ZNF76: variants seen among roughly 807,000 people sequenced by gnomAD.
ZNF76 encodes zinc finger protein 523.
In ZNF76, 66 loss-of-function variants were observed where a neutral mutation model predicts 66.9. That is an observed-to-expected ratio of 0.99 (90% CI 0.81 to 1.21). The LOEUF (loss-of-function observed/expected upper bound fraction) is 1.21. Among genes scored for constraint, ZNF76 ranks in the 50% most tolerant of loss-of-function variants. The pLI is 0.00. For missense variants in ZNF76, 729 were observed against 760.3 expected, an observed-to-expected ratio of 0.96 and a Z score of 0.48; for synonymous variants, 275 against 296.1, an observed-to-expected ratio of 0.93 and a Z score of 0.73.
At chr6:35,274,911 T>A (rs1787651737) in intron 1 of ZNF76, among the ~76,000 whole-genome samples, 1 of 152,114 alleles carries the variant, frequency 6.6e-6, no homozygotes, top group Non-Finnish European at 1.5e-5. Flanking sequence ...TCCCAGCATT[T>A]TGGGAGGCCA....
intron 1 of ZNF76, among the ~76,000 whole-genome samples, chr6:35,278,829 A>G (rs552370108): frequency 4.6e-5 from 7 of 152,334 alleles, no homozygotes; most frequent in African/African-American, 1.4e-4. Flanking sequence ...CACCTTGCAC[A>G]TGAGGGACCC....
At chr6:35,294,706 C>G in intron 13 of ZNF76, 137 bp downstream of exon 13, 1 of 717,762 alleles carries the variant, frequency 1.4e-6, no homozygotes, top group East Asian at 2.7e-5. Flanking sequence ...GATCCCTTTC[C>G]TCCTGCATCC....
chr6:35,279,333 T>G (rs1222307721), intron 1 of ZNF76: 1 of 164,318 alleles, frequency 6.1e-6, no homozygotes, highest in Non-Finnish European at 1.5e-5. Context: ...CTGCCAGCAG[T>G]CAGTGTGTTG....
intron 6 of ZNF76, 84 bp downstream of exon 6, chr6:35,290,466 G>A (rs1247664139): frequency 3.2e-6 from 5 of 1,582,130 alleles, no homozygotes; most frequent in Middle Eastern, 3.5e-4. Context: ...ATTGGAATTG[G>A]TCCCTGCCCT....
intron 1 of ZNF76, among the ~76,000 whole-genome samples, chr6:35,263,464 A>C (rs1050263334): frequency 6.6e-6 from 1 of 152,252 alleles, no homozygotes; most frequent in Non-Finnish European, 1.5e-5. Flanking sequence ...AAAATGTGAC[A>C]TCAAAGATCC....
intron 5 of ZNF76, among the ~76,000 whole-genome samples, chr6:35,288,947 T>G: frequency 1.6e-5 from 1 of 61,596 alleles, no homozygotes; most frequent in East Asian, 4.0e-4. Flanking sequence ...GGAGATCCTA[T>G]CTAAAAAAAA....
At chr6:35,290,417 GT>G (rs1790204748) in intron 6 of ZNF76, 35 bp downstream of exon 6, 2 of 1,609,540 alleles carry the variant, frequency 1.2e-6, no homozygotes, top group East Asian at 4.5e-5. Context: ...CAGCTCTGCA[GT>G]CTTCCCTCCC....
At chr6:35,278,701 GT>G (rs1306574925) in intron 1 of ZNF76, among the ~76,000 whole-genome samples, 2 of 152,252 alleles carry the variant, frequency 1.3e-5, no homozygotes, top group African/African-American at 4.8e-5. Flanking sequence ...ACTGCACTGA[GT>G]TTAGAGGCCG....
At chr6:35,281,795 G>C (rs1444675857) in intron 2 of ZNF76, among the ~76,000 whole-genome samples, 2 of 151,870 alleles carry the variant, frequency 1.3e-5, no homozygotes, top group African/African-American at 2.4e-5. Context: ...AATAATCTGG[G>C]TGCAGCAGCA....
Position 35,287,785 on chromosome 6 carries a change from A to G in ZNF76, c.372A>G (p.Ala124=). The G allele has an allele frequency of 6.2e-7, 1 of 1,613,696 alleles. No homozygotes were observed. The highest frequency in any genetic ancestry group is 8.5e-7 in the Non-Finnish European group (1 of 1,179,804). The change falls in exon 5 of 14, where the codon GCA becomes GCG. Residue 124 remains alanine, a synonymous_variant. Coordinates refer to ENST00000373953, the MANE Select transcript of ZNF76 (RefSeq NM_003427.5). This position sits in a 1 kb window ranked among gnomAD's most constrained non-coding sequence, Gnocchi z 4.0. Reference sequence around the variant, plus strand: ...AGGTGGGCTTGGAGGACCTGGCAGCAGAGGATGATGAGGGCTTCAGTGCAG... The same window carrying G: ...AGGTGGGCTTGGAGGACCTGGCAGCGGAGGATGATGAGGGCTTCAGTGCAG... The part of the protein sequence containing the change: ...QTEVGLEDLA[A]EDDEGFSADA...
At chr6:35,260,240 G>A (rs938701474) in intron 1 of ZNF76, among the ~76,000 whole-genome samples, 5 of 152,156 alleles carry the variant, frequency 3.3e-5, no homozygotes, top group South Asian at 4.1e-4. Flanking sequence ...ACATGACCCT[G>A]AGATCCCCAC....
intron 13 of ZNF76, 107 bp from the exon 14 acceptor site, chr6:35,295,037 G>C: frequency 1.3e-6 from 1 of 768,488 alleles, no homozygotes; most frequent in African/African-American, 1.7e-5. Flanking sequence ...GTGGCACTGG[G>C]TAGATGGGGG....
In ZNF76 at chr6:35,263,997, C is replaced by T. The variant is rs1248551327; in HGVS notation, c.-97+4156C>T. Among the ~76,000 whole-genome samples, 16 of 152,316 alleles carry T rather than the reference C, an allele frequency of 1.1e-4. No individual in the cohort carries two copies. The South Asian group carries it at 2.7e-3, about 26-fold the overall frequency. On this transcript the variant is annotated intron_variant, in intron 1 of 13. Transcript: ENST00000373953. ...AACTCCTGACCTCAGGTGATCCACTCGCCTCAGCCTCCCAAAGTGCTAGGA... is the reference window on the plus strand; with the variant it reads ...AACTCCTGACCTCAGGTGATCCACTTGCCTCAGCCTCCCAAAGTGCTAGGA...
At chr6:35,266,314 G>A (rs1436114291) in intron 1 of ZNF76, among the ~76,000 whole-genome samples, 2 of 151,986 alleles carry the variant, frequency 1.3e-5, no homozygotes, top group African/African-American at 4.8e-5. Context: ...CAGCGCACCC[G>A]GCTAATTTTT....
At chr6:35,264,702 A>G (rs766897375) in intron 1 of ZNF76, among the ~76,000 whole-genome samples, 21 of 152,142 alleles carry the variant, frequency 1.4e-4, no homozygotes, top group Non-Finnish European at 2.2e-4. Context: ...ATCTAGGTTA[A>G]GTAGTATATT....
rs555408650 is a variant in ZNF76 at position 35,266,093 on chromosome 6, G to A, written c.-97+6252G>A. ...GGCTTCTGGATGTATTTGGAAAGGAGCCAACAGGATTTGCTGATGGACTGG... is the reference window on the plus strand; with the variant it reads ...GGCTTCTGGATGTATTTGGAAAGGAACCAACAGGATTTGCTGATGGACTGG... On this transcript the variant is annotated intron_variant, in intron 1 of 13. Coordinates refer to ENST00000373953, the MANE Select transcript of ZNF76 (RefSeq NM_003427.5). 2.1e-4 allele frequency among the ~76,000 whole-genome samples: 32 copies of A among 152,186 alleles called. No individual in the cohort carries two copies. In the East Asian group the frequency reaches 5.8e-3, roughly 28 times the overall value.
chr6:35,287,790 A>T lies in ZNF76; in HGVS notation c.377A>T (p.Asp126Val), dbSNP rs147966976. Residue 126 changes from aspartate (D) to valine (V), a missense_variant, in exon 5 of 14, where the codon GAT (aspartate) becomes GTT (valine). By Grantham distance (152) the Asp-to-Val change is radical (BLOSUM62 -3). Transcript: ENST00000373953. The surrounding 1 kb of genome is among the most constrained non-coding windows in gnomAD (Gnocchi z 4.0). Reference sequence around the variant, plus strand: ...GGCTTGGAGGACCTGGCAGCAGAGGATGATGAGGGCTTCAGTGCAGACGCA... The same window carrying T: ...GGCTTGGAGGACCTGGCAGCAGAGGTTGATGAGGGCTTCAGTGCAGACGCA... ...EVGLEDLAAE[D>V]DEGFSADAVV... 2,094 of 1,613,410 alleles carry T rather than the reference A, an allele frequency of 1.3e-3. 1 individual carries two copies. The highest frequency in any genetic ancestry group is 1.7e-3 in the Non-Finnish European group (1,960 of 1,179,680).
At chr6:35,275,852 G>T (rs1370617806) in intron 1 of ZNF76, among the ~76,000 whole-genome samples, 1 of 152,194 alleles carries the variant, frequency 6.6e-6, no homozygotes, top group African/African-American at 2.4e-5. Context: ...AGGCCAAGAA[G>T]GTCTGGGTTT....
chr6:35,283,967 A>G (rs1399143607), intron 2 of ZNF76, among the ~76,000 whole-genome samples: 2 of 152,226 alleles, frequency 1.3e-5, no homozygotes, highest in African/African-American at 4.8e-5. Flanking sequence ...ATTCCTCTAA[A>G]GGGGAGACGT....
Sources: allele counts gnomAD v4.1 joint callset (sites outside exome capture counted in the v4.1 genomes callset), GRCh38; gene constraint gnomAD v4.1.1; non-coding constraint Gnocchi (gnomAD v3.1); transcripts MANE v1.5; gene names NCBI Gene and HGNC (gene_info 2026-07-23, HGNC 2026-07-21).